ZNF664: variants seen among roughly 807,000 people sequenced by gnomAD.
The protein encoded by ZNF664 is zinc finger protein 664, also known as zinc finger Organ of Corti 1.
Under a neutral mutation model 18.2 loss-of-function variants are expected in ZNF664, and 10 were observed. That is an observed-to-expected ratio of 0.55 (90% CI 0.34 to 0.93). The LOEUF (loss-of-function observed/expected upper bound fraction) is 0.93, where lower values mean the gene tolerates loss of function less well. Among genes scored for constraint, ZNF664 ranks in the 40% least tolerant of loss-of-function variants. The probability of loss-of-function intolerance (pLI) is 0.02; values close to 1 mark genes in which losing one functional copy is unlikely to be tolerated. For synonymous variants in ZNF664, 119 were observed against 104.2 expected, an observed-to-expected ratio of 1.14 and a Z score of -0.86; for missense variants, 193 against 319.0, an observed-to-expected ratio of 0.61 and a Z score of 3.01.
At chr12:123,993,127 A>G (rs1956907698) in intron 3 of ZNF664, among the ~76,000 whole-genome samples, 1 of 152,192 alleles carries the variant, frequency 6.6e-6, no homozygotes, top group East Asian at 1.9e-4. Context: ...GCGAAGTCAG[A>G]GAAGGACCCT....
In ZNF664 at chr12:123,973,896, G is replaced by C; in HGVS notation, c.-881G>C. The C allele has an allele frequency of 1.6e-6, 2 of 1,231,904 alleles. No individual in the cohort carries two copies. Among genetic ancestry groups the C allele is most frequent in the Non-Finnish European group, 2.0e-6 (2 of 988,114 alleles). The allele number at this position is 1,231,904 out of a possible 1,614,324, so 76.3% of individuals were successfully genotyped here. On this transcript the variant is annotated 5_prime_UTR_variant, in exon 2 of 5. Coordinates refer to ENST00000337815, the MANE Select transcript of ZNF664 (RefSeq NM_152437.3). ...CTGTGTGTTTTTCAGGGCGCCCTGC[G>C]TCCGGCAGAGGAGGCGAGCATCCCG...
chr12:123,999,449 C>T (rs901929215), intron 3 of ZNF664, among the ~76,000 whole-genome samples: 2 of 152,152 alleles, frequency 1.3e-5, no homozygotes, highest in Non-Finnish European at 2.9e-5. Flanking sequence ...GACCTGTACT[C>T]ATAATACTGC....
intron 3 of ZNF664, among the ~76,000 whole-genome samples, chr12:123,992,792 T>TG (rs1956903864): frequency 6.6e-6 from 1 of 152,128 alleles, no homozygotes; most frequent in Admixed American, 6.5e-5. Flanking sequence ...TGACAGGCCT[T>TG]TGAGTCAACA....
At position 123,973,306 on chromosome 12, in the gene ZNF664, G is replaced by A. The variant is rs1375687554; in HGVS notation, c.-938G>A. The A allele has an allele frequency of 2.5e-6, 2 of 805,570 alleles. No homozygotes were observed. Among genetic ancestry groups the A allele is most frequent in the Non-Finnish European group, 3.0e-6 (2 of 669,446 alleles). The allele number at this position is 805,570 out of a possible 1,614,324, so 49.9% of individuals were successfully genotyped here. A position where few individuals can be genotyped will look rare whatever the true frequency, so the allele number is the denominator to read the frequency against. The stretch of plus-strand genomic sequence containing the variant: ...GAGGTGTCCCTGAGGAGAGGGAGGT[G>A]GGTGCGCGGCGCCCGCGGCCTGGGG... On this transcript the variant is annotated 5_prime_UTR_variant, in exon 1 of 5. Coordinates refer to ENST00000337815, the MANE Select transcript of ZNF664 (RefSeq NM_152437.3).
intron 3 of ZNF664, among the ~76,000 whole-genome samples, chr12:123,996,985 TGTA>T (rs1417745315): frequency 6.6e-6 from 1 of 152,224 alleles, no homozygotes; most frequent in Non-Finnish European, 1.5e-5. Flanking sequence ...AGGTGAAGAC[TGTA>T]GATACTGTTT....
chr12:123,984,121 C>A (rs962180718), intron 2 of ZNF664, among the ~76,000 whole-genome samples: 1 of 152,038 alleles, frequency 6.6e-6, no homozygotes, highest in Non-Finnish European at 1.5e-5. Flanking sequence ...AACCAGTGGG[C>A]GAGATGGTTG....
chr12:123,973,638 G>A, intron 1 of ZNF664: 1 of 555,338 alleles, frequency 1.8e-6, no homozygotes, highest in Non-Finnish European at 2.4e-6. Flanking sequence ...CGGCCGGTGC[G>A]AGCGAGGGCT....
intron 2 of ZNF664, among the ~76,000 whole-genome samples, chr12:123,985,577 G>C (rs116598120): frequency 6.6e-6 from 1 of 152,158 alleles, no homozygotes; most frequent in Non-Finnish European, 1.5e-5. Flanking sequence ...AAAATATTTC[G>C]TTAAGAAAAG....
intron 3 of ZNF664, chr12:124,004,753 GC>G (rs762937919): frequency 6.6e-6 from 1 of 152,280 alleles, no homozygotes; most frequent in Non-Finnish European, 1.5e-5. Context: ...CAGATCAGCG[GC>G]GGCATTAGAT....
At position 124,013,054 on chromosome 12, in the gene ZNF664, A is replaced by C. The variant is rs1957151353; in HGVS notation, c.*124A>C. The C allele has an allele frequency of 7.9e-7, 1 of 1,271,702 alleles. No individual in the cohort carries two copies. Among genetic ancestry groups the C allele is most frequent in the African/African-American group, 1.5e-5 (1 of 65,594 alleles). The allele number at this position is 1,271,702 out of a possible 1,614,324, so 78.8% of individuals were successfully genotyped here. A position where few individuals can be genotyped will look rare whatever the true frequency, so the allele number is the denominator to read the frequency against. ...CCCTAGCAGAACATTGTTTCTGAGG[A>C]GGCATATGTGAGATTGATTTGTTGG... On this transcript the variant is annotated 3_prime_UTR_variant, in exon 5 of 5. Transcript: ENST00000337815.
intron 3 of ZNF664, among the ~76,000 whole-genome samples, chr12:123,995,497 T>TA (rs1388902605): frequency 2.0e-5 from 3 of 152,232 alleles, no homozygotes; most frequent in Admixed American, 6.5e-5. Flanking sequence ...AGAGCCAGTT[T>TA]ACCATTTGTT....
chr12:123,984,866 G>T (rs114182325), intron 2 of ZNF664, among the ~76,000 whole-genome samples: 1,771 of 152,154 alleles, frequency 0.012, 36 homozygotes, highest in African/African-American at 0.04. Flanking sequence ...GCTAAAAAAT[G>T]GAGACAGGAC....
intron 2 of ZNF664, among the ~76,000 whole-genome samples, chr12:123,987,694 C>A (rs755213793): frequency 7.2e-5 from 11 of 152,180 alleles, no homozygotes; most frequent in Non-Finnish European, 1.6e-4. Flanking sequence ...TATTCCCTGG[C>A]ATTTTAGCCA....
At chr12:123,986,744 T>TACC (rs1014940163) in intron 2 of ZNF664, among the ~76,000 whole-genome samples, 4 of 152,210 alleles carry the variant, frequency 2.6e-5, no homozygotes, top group Non-Finnish European at 4.4e-5. Context: ...GGCCTACCCT[T>TACC]AAAGCTGAAG....
chr12:123,980,559 A>T (rs1197058288), intron 2 of ZNF664, among the ~76,000 whole-genome samples: 1 of 152,210 alleles, frequency 6.6e-6, no homozygotes, highest in Non-Finnish European at 1.5e-5. Context: ...GTTATGATAC[A>T]TCCCCTATAT....
chr12:124,011,508 A>C (rs1467096605), intron 4 of ZNF664, 38 bp from the exon 5 acceptor site: 1 of 799,356 alleles, frequency 1.3e-6, no homozygotes, highest in Non-Finnish European at 1.5e-6. Flanking sequence ...TTCCAGATAA[A>C]AGCATTTTCA....
chr12:123,999,563 T>C (rs1227902253), intron 3 of ZNF664, among the ~76,000 whole-genome samples: 1 of 152,244 alleles, frequency 6.6e-6, no homozygotes, highest in African/African-American at 2.4e-5. Context: ...AGTAATTGTA[T>C]AGTTATTTAA....
chr12:124,003,398 CTTT>C (rs369995896), intron 3 of ZNF664: 37 of 138,582 alleles, frequency 2.7e-4, no homozygotes, highest in Non-Finnish European at 3.3e-4. Flanking sequence ...CTAATTGCAT[CTTT>C]TTTTTTTTTT....
chr12:123,985,535 G>A (rs922029424), intron 2 of ZNF664, among the ~76,000 whole-genome samples: 1 of 152,190 alleles, frequency 6.6e-6, no homozygotes, highest in African/African-American at 2.4e-5. Context: ...CTAATAGTAT[G>A]GCTAATAGAA....
Sources: allele counts gnomAD v4.1 joint callset (sites outside exome capture counted in the v4.1 genomes callset), GRCh38; gene constraint gnomAD v4.1.1; transcripts MANE v1.5; gene names NCBI Gene and HGNC (gene_info 2026-07-23, HGNC 2026-07-21).